Variants in USH2A observed in about 807,000 individuals in gnomAD.
USH2A encodes Usher syndrome 2A (autosomal recessive, mild).
In USH2A, 443 loss-of-function variants were observed where a neutral mutation model predicts 538.9. The ratio of observed to expected loss-of-function variants is 0.82; its 90% CI spans 0.76 to 0.89. The LOEUF (loss-of-function observed/expected upper bound fraction) is 0.89. Ranked by LOEUF, USH2A falls within the 40% of genes least tolerant of loss-of-function variation. The pLI is 0.00. For missense variants in USH2A, 6,633 were observed against 6,324.8 expected, an observed-to-expected ratio of 1.05 and a Z score of -1.65; for synonymous variants, 2,413 against 2,273.5, an observed-to-expected ratio of 1.06 and a Z score of -1.75.
chr1:215,874,007 T>G (rs900891456), intron 43 of USH2A, among the ~76,000 whole-genome samples: 1 of 152,176 alleles, frequency 6.6e-6, no homozygotes, highest in Non-Finnish European at 1.5e-5. Context: ...AAGGAGAACA[T>G]GCTCATTGTA....
intron 9 of USH2A, among the ~76,000 whole-genome samples, chr1:216,293,626 A>G (rs1393879302): frequency 1.3e-5 from 2 of 152,062 alleles, no homozygotes; most frequent in African/African-American, 4.8e-5. Context: ...TACTTCAAGT[A>G]TTTTCTTTCT....
chr1:215,754,573 T>A (rs1283152678), intron 58 of USH2A, among the ~76,000 whole-genome samples: 2 of 152,108 alleles, frequency 1.3e-5, no homozygotes, highest in African/African-American at 4.8e-5. Context: ...CTTTAGACCA[T>A]GAGTGTCCAA....
At position 215,996,560 on chromosome 1, in the gene USH2A, G is replaced by GTTTTT. The variant is rs753233925; in HGVS notation, c.6657+2322_6657+2326dup. Among the ~76,000 whole-genome samples the GTTTTT allele has an allele frequency of 1.6e-3, 81 of 51,714 alleles. 21 individuals carry two copies. The highest frequency in any genetic ancestry group is 2.2e-3 in the African/African-American group (24 of 10,788). The allele number at this position is 51,714 out of a possible 152,430, so 33.9% of individuals were successfully genotyped here. A position where few individuals can be genotyped will look rare whatever the true frequency, so the allele number is the denominator to read the frequency against. On this transcript the variant is annotated intron_variant, in intron 34 of 71. Transcript: ENST00000307340. ...TTTGTTGAGAGTAGCAACATATTAT[G>GTTTTT]TTTTTTTTTTTTTTTTTTTTTTTTT...
rs972919245 is a variant in USH2A, at chr1:215,957,169, A to T, written c.7120+8148T>A. 6.6e-4 allele frequency among the ~76,000 whole-genome samples: 100 copies of T among 152,128 alleles called. 2 individuals are homozygous for T. The highest frequency in any genetic ancestry group is 3.3e-4 in the Admixed American group (5 of 15,272). On this transcript the variant is annotated intron_variant, in intron 37 of 71. Transcript: ENST00000307340. ...CTTCCAAACAAATAGAAACAGAGTA[A>T]TTTTCTCTATTTCCCCTACATTCCC...
intron 38 of USH2A, among the ~76,000 whole-genome samples, chr1:215,922,247 A>G (rs750295773): frequency 7.9e-5 from 12 of 152,194 alleles, no homozygotes; most frequent in Non-Finnish European, 1.3e-4. Context: ...TTTAGCTGAC[A>G]GTGTCTTCAC....
At chr1:215,886,320 C>T (rs1292483412) in intron 41 of USH2A, among the ~76,000 whole-genome samples, 9 of 152,138 alleles carry the variant, frequency 5.9e-5, no homozygotes. Context: ...CTGTCATATA[C>T]CTCTGTTTAC....
At chr1:216,317,530 T>C (rs2037531738) in intron 9 of USH2A, among the ~76,000 whole-genome samples, 1 of 152,014 alleles carries the variant, frequency 6.6e-6, no homozygotes. Flanking sequence ...CTGCACATCC[T>C]ACACATGTTC....
intron 5 of USH2A, among the ~76,000 whole-genome samples, chr1:216,326,352 A>G (rs1168378757): frequency 6.6e-6 from 1 of 152,184 alleles, no homozygotes; most frequent in Non-Finnish European, 1.5e-5. Flanking sequence ...CAGAGAAACC[A>G]GGCTTTTCCT....
At chr1:216,366,570 T>A (rs1335470013) in intron 3 of USH2A, among the ~76,000 whole-genome samples, 1 of 151,584 alleles carries the variant, frequency 6.6e-6, no homozygotes, top group Non-Finnish European at 1.5e-5. Flanking sequence ...GCCTTAAAAA[T>A]CTTTTTCAAT....
At chr1:216,029,120 T>C (rs1032396199) in intron 32 of USH2A, among the ~76,000 whole-genome samples, 2 of 152,102 alleles carry the variant, frequency 1.3e-5, no homozygotes, top group Admixed American at 1.3e-4. Flanking sequence ...CATTAATATA[T>C]ATTCATGGTA....
At chr1:215,947,782 T>TA (rs1184208499) in intron 37 of USH2A, among the ~76,000 whole-genome samples, 2 of 152,164 alleles carry the variant, frequency 1.3e-5, no homozygotes, top group Non-Finnish European at 2.9e-5. Context: ...AAAAAGCTTT[T>TA]AAAAAAATTA....
intron 21 of USH2A, among the ~76,000 whole-genome samples, chr1:216,107,771 A>G (rs545308669): frequency 6.8e-6 from 1 of 148,110 alleles, no homozygotes; most frequent in Non-Finnish European, 1.5e-5. Context: ...TTAACATTCC[A>G]TTTTGCTACC....
At chr1:215,945,353 T>C (rs1666732256) in intron 37 of USH2A, among the ~76,000 whole-genome samples, 1 of 152,176 alleles carries the variant, frequency 6.6e-6, no homozygotes, top group Non-Finnish European at 1.5e-5. Flanking sequence ...GGCATTTTAT[T>C]CACCTTAACT....
chr1:216,323,750 C>G (rs2037667381), intron 7 of USH2A, 55 bp from the exon 8 acceptor site: 1 of 1,548,440 alleles, frequency 6.5e-7, no homozygotes, highest in Non-Finnish European at 8.9e-7. Flanking sequence ...TTTGGCAAAA[C>G]AGAAATCAAA....
chr1:215,928,594 C>G (rs371285449), intron 38 of USH2A, among the ~76,000 whole-genome samples: 23 of 152,128 alleles, frequency 1.5e-4, no homozygotes, highest in African/African-American at 5.5e-4. Context: ...TTGACTTGGG[C>G]AAGAAATTTG....
intron 43 of USH2A, among the ~76,000 whole-genome samples, chr1:215,868,349 G>A (rs1240152856): frequency 6.6e-6 from 1 of 152,134 alleles, no homozygotes; most frequent in South Asian, 2.1e-4. Flanking sequence ...TTCATAGCCC[G>A]AAGATACGTT....
chr1:216,200,226 C>A, intron 16 of USH2A, 105 bp from the exon 17 acceptor site: 3 of 1,170,106 alleles, frequency 2.6e-6, no homozygotes, highest in Non-Finnish European at 3.6e-6. Context: ...TAAACTATAC[C>A]AATCTACTCT....
intron 37 of USH2A, among the ~76,000 whole-genome samples, chr1:215,952,719 C>A (rs985247366): frequency 6.6e-6 from 1 of 152,198 alleles, no homozygotes; most frequent in African/African-American, 2.4e-5. Flanking sequence ...CCACTCTGTT[C>A]TGGCTTGCAG....
intron 37 of USH2A, among the ~76,000 whole-genome samples, chr1:215,954,276 G>A (rs1667004312): frequency 6.6e-6 from 1 of 152,016 alleles, no homozygotes; most frequent in African/African-American, 2.4e-5. Flanking sequence ...TATGTTTATT[G>A]TGGCACTATT....
Sources: gnomAD v4.1 joint callset for allele counts (sites outside exome capture counted in the v4.1 genomes callset) on GRCh38, gnomAD v4.1.1 for gene constraint, MANE v1.5 for transcripts, NCBI Gene and HGNC (gene_info 2026-07-23, HGNC 2026-07-21) for gene names.